The following KIAA2013 variants were observed in gnomAD, a reference collection of about 807,000 sequenced individuals.
KIAA2013 encodes KIAA2013.
Under a neutral mutation model 39.9 loss-of-function variants are expected in KIAA2013, and 20 were observed. That is an observed-to-expected ratio of 0.50 (90% confidence interval 0.35 to 0.73). KIAA2013 has a LOEUF of 0.73. KIAA2013 is among the 30% of genes least tolerant of loss of function. KIAA2013 has a pLI of 0.01. For synonymous variants in KIAA2013, 336 were observed against 416.6 expected (o/e 0.81, Z 2.35); for missense variants, 587 against 856.1 (o/e 0.69, Z 3.92).
At chr1:11,924,635 C>T (rs536930386) in intron 1 of KIAA2013, among the ~76,000 whole-genome samples, 57 of 152,228 alleles carry the variant, frequency 3.7e-4, no homozygotes, top group African/African-American at 1.3e-3. Context: ...AACCAAAACC[C>T]CTCTCTCATC....
At position 11,925,079 on chromosome 1, in the gene KIAA2013, A is replaced by G. The variant is rs1645497654; in HGVS notation, c.1033+126T>C. 6.1e-6 allele frequency: 5 copies of G among 815,738 alleles called. No homozygotes were observed. The highest frequency in any genetic ancestry group is 3.7e-5 in the South Asian group (2 of 53,818). 50.5% of individuals were successfully genotyped at this position (815,738 alleles called of 1,614,324 possible). On this transcript the variant is annotated intron_variant, in intron 1 of 2. Transcript: ENST00000376572. The surrounding 1 kb of genome is among the most constrained non-coding windows in gnomAD (Gnocchi z 5.2). ...AGGTCGCACAGACACTAAGCAGTTG[A>G]GCAGATTCAACCACTGGTGAAACGC...
intron 2 of KIAA2013, chr1:11,922,212 C>A: frequency 2.9e-5 from 9 of 315,030 alleles, no homozygotes; most frequent in Non-Finnish European, 3.1e-5. Flanking sequence ...TTTTTTGAGA[C>A]AGGGTCTTGC....
chr1:11,923,596 G>T lies in KIAA2013; in HGVS notation c.1034-107C>A. 3.4e-6 allele frequency: 4 copies of T among 1,167,368 alleles called. No homozygotes were observed. The highest frequency in any genetic ancestry group is 1.4e-5 in the South Asian group (1 of 71,362). The allele number at this position is 1,167,368 out of a possible 1,614,324, so 72.3% of individuals were successfully genotyped here. ...GAAGAGTGAGGTGTTGTGCCTTAAT[G>T]ATAAAGACAGTGGTGCCCATCTCCC... On this transcript the variant is annotated intron_variant, in intron 1 of 2. Coordinates refer to ENST00000376572, the MANE Select transcript of KIAA2013 (RefSeq NM_138346.3). The surrounding 1 kb of genome is among the most constrained non-coding windows in gnomAD (Gnocchi z 4.6).
intron 2 of KIAA2013, 88 bp from the exon 3 acceptor site, chr1:11,920,420 T>G (rs1645467579): frequency 7.5e-7 from 1 of 1,339,968 alleles, no homozygotes; most frequent in Admixed American, 1.7e-5. Flanking sequence ...ACAACCCTAG[T>G]GGCACCACAC....
At chr1:11,920,396 A>T (rs879006190) in intron 2 of KIAA2013, 64 bp from the exon 3 acceptor site, 1 of 1,563,816 alleles carries the variant, frequency 6.4e-7, no homozygotes, top group Non-Finnish European at 8.8e-7. Flanking sequence ...CAGCTATAGA[A>T]ATAGGCTACG....
rs769006607 is a variant in KIAA2013, at chr1:11,925,694, C to A, written c.544G>T (p.Gly182Cys). Reference protein sequence around the residue: ...ASVSGLAAGSGRDCVLLQEDF... With the variant: ...ASVSGLAAGSCRDCVLLQEDF... Reference sequence around the variant, plus strand: ...TCTTGCAGCAGCACGCAGTCGCGGCCGGACCCCGCGGCAAGGCCAGAGACG... The same window carrying A: ...TCTTGCAGCAGCACGCAGTCGCGGCAGGACCCCGCGGCAAGGCCAGAGACG... The change falls in exon 1 of 3, where the codon GGC becomes TGC. Residue 182 changes from glycine to cysteine, a missense_variant. By Grantham distance (159) the Gly-to-Cys change is radical. Coordinates refer to ENST00000376572, the MANE Select transcript of KIAA2013 (RefSeq NM_138346.3). This position sits in a 1 kb window ranked among gnomAD's most constrained non-coding sequence, Gnocchi z 5.2. 6.3e-7 allele frequency: 1 copy of A among 1,591,442 alleles called. No homozygotes were observed. The highest frequency in any genetic ancestry group is 8.5e-7 in the Non-Finnish European group (1 of 1,173,378).
At chr1:11,921,400 G>A (rs1023924081) in intron 2 of KIAA2013, among the ~76,000 whole-genome samples, 2 of 152,110 alleles carry the variant, frequency 1.3e-5, no homozygotes, top group African/African-American at 4.8e-5. Context: ...ACTCTGGTCC[G>A]AGGCCTGGAG....
Position 11,925,665 on chromosome 1 carries a change from G to C in KIAA2013, c.573C>G (p.Asp191Glu). Residue 191 changes from aspartate to glutamate, a missense_variant, in exon 1 of 3, where the codon GAC (aspartate) becomes GAG (glutamate). By Grantham distance (45) the Asp-to-Glu change is conservative (BLOSUM62 2). Coordinates refer to ENST00000376572, the MANE Select transcript of KIAA2013 (RefSeq NM_138346.3). This position sits in a 1 kb window ranked among gnomAD's most constrained non-coding sequence, Gnocchi z 5.2. ...GGGGTCGGCCCCTGTGCGCCAGAAA[G>C]TCCTCTTGCAGCAGCACGCAGTCGC... The part of the protein sequence containing the change: ...SGRDCVLLQE[D>E]FLAHRGRPHV... The C allele has an allele frequency of 1.2e-5, 20 of 1,607,278 alleles. No homozygotes were observed. The highest frequency in any genetic ancestry group is 1.7e-5 in the Non-Finnish European group (20 of 1,178,664).
intron 2 of KIAA2013, chr1:11,922,146 C>T: frequency 5.5e-6 from 1 of 180,208 alleles, no homozygotes; most frequent in Non-Finnish European, 1.1e-5. Flanking sequence ...CCAGGCCCTG[C>T]CTCTAATTTT....
At chr1:11,922,562 G>A (rs1326507047) in intron 2 of KIAA2013, 74 bp downstream of exon 2, 1 of 1,577,386 alleles carries the variant, frequency 6.3e-7, no homozygotes, top group Non-Finnish European at 8.6e-7. Flanking sequence ...CCCTCGCCAG[G>A]CTAGCCCCTT....
At chr1:11,922,236 C>T (rs1645478914) in intron 2 of KIAA2013, 1 of 572,164 alleles carries the variant, frequency 1.7e-6, no homozygotes, top group Admixed American at 4.3e-5. Flanking sequence ...GTTGCCCCAG[C>T]TAGAGTGCAA....
chr1:11,924,140 T>C (rs78223702), intron 1 of KIAA2013, among the ~76,000 whole-genome samples: 39 of 151,910 alleles, frequency 2.6e-4, no homozygotes, highest in Non-Finnish European at 2.9e-5. Flanking sequence ...TTTAAAAACA[T>C]ACACACACAC....
chr1:11,923,181 G>C lies in KIAA2013; in HGVS notation c.1342C>G (p.Pro448Ala), dbSNP rs771599822. 3 of 1,613,620 alleles carry C rather than the reference G, an allele frequency of 1.9e-6. No individual in the cohort carries two copies. The highest frequency in any genetic ancestry group is 1.7e-6 in the Non-Finnish European group (2 of 1,179,820). The part of the protein sequence containing the change: ...GCKGLVKVGA[P>A]GILQGMVLSF... ...AGCACCATCCCCTGCAGGATGCCTG[G>C]GGCACCCACCTTCACCAGCCCCTTG... The change falls in exon 2 of 3, where the codon CCA becomes GCA. Residue 448 changes from proline to alanine, a missense_variant. Physicochemically the swap from Pro to Ala is conservative, Grantham distance 27. Coordinates refer to ENST00000376572, the MANE Select transcript of KIAA2013 (RefSeq NM_138346.3). This position sits in a 1 kb window ranked among gnomAD's most constrained non-coding sequence, Gnocchi z 4.6.
In KIAA2013 at chr1:11,923,396, G is replaced by A. The variant is rs774624712; in HGVS notation, c.1127C>T (p.Pro376Leu). 2 of 1,612,966 alleles carry A rather than the reference G, an allele frequency of 1.2e-6. No individual in the cohort carries two copies. Among genetic ancestry groups the A allele is most frequent in the South Asian group, 2.2e-5 (2 of 91,076 alleles). The part of the protein sequence containing the change: ...LYYMLSCSPA[P>L]LLSPSLSHRE... The stretch of plus-strand genomic sequence containing the variant: ...GTGGCTCAGGGAGGGGCTGAGCAGT[G>A]GGGCTGGCGAGCAGGAGAGCATGTA... The change falls in exon 2 of 3, where the codon CCA becomes CTA. Residue 376 changes from proline (P) to leucine (L), a missense_variant. Physicochemically the swap from Pro to Leu is moderately conservative, Grantham distance 98. Transcript: ENST00000376572. This position sits in a 1 kb window ranked among gnomAD's most constrained non-coding sequence, Gnocchi z 4.6.
chr1:11,925,001 TAGGC>T lies in KIAA2013; in HGVS notation c.1033+200_1033+203del, dbSNP rs1645497312. Among the ~76,000 whole-genome samples the T allele has an allele frequency of 6.6e-6, 1 of 152,156 alleles. No homozygotes were observed. Among genetic ancestry groups the T allele is most frequent in the Non-Finnish European group, 1.5e-5 (1 of 68,036 alleles). On this transcript the variant is annotated intron_variant, in intron 1 of 2. Coordinates refer to ENST00000376572, the MANE Select transcript of KIAA2013 (RefSeq NM_138346.3). The surrounding 1 kb of genome is among the most constrained non-coding windows in gnomAD (Gnocchi z 5.2). ...ACAGTCTCATAAAAACCTTCTGAGG[TAGGC>T]GTTATTGTTATTAAATACAGGCCCA...
In KIAA2013 at chr1:11,922,625, C is replaced by T. The variant is rs368765895; in HGVS notation, c.1887+11G>A. On this transcript the variant is annotated intron_variant, in intron 2 of 2. Coordinates refer to ENST00000376572, the MANE Select transcript of KIAA2013 (RefSeq NM_138346.3). ...AAGGCCTCGGGTTTCGACCAGATGG[C>T]GGCTTCCTACCTTACTCCTGAAGAG... The T allele has an allele frequency of 5.7e-5, 92 of 1,612,246 alleles. 1 individual carries two copies. Among genetic ancestry groups the T allele is most frequent in the South Asian group, 2.3e-4 (21 of 90,556 alleles).
intron 2 of KIAA2013, among the ~76,000 whole-genome samples, chr1:11,921,955 C>A (rs1265390834): frequency 1.3e-5 from 2 of 152,008 alleles, no homozygotes; most frequent in African/African-American, 4.8e-5. Flanking sequence ...TCAAGTGATC[C>A]TCCCACCTCA....
At chr1:11,922,297 C>T (rs1454794499) in intron 2 of KIAA2013, 11 of 1,321,462 alleles carry the variant, frequency 8.3e-6, no homozygotes, top group Non-Finnish European at 1.1e-5. Flanking sequence ...TCAAGGGATT[C>T]TCCCATCTCA....
Position 11,920,050 on chromosome 1 carries a change from G to A in KIAA2013, c.*265C>T. ...GAAAGGGGGAAAGTGGAAGGAGTGA[G>A]TTCCATTTCAAGTATTTGCCATACA... On this transcript the variant is annotated 3_prime_UTR_variant, in exon 3 of 3. Transcript: ENST00000376572. 1.8e-6 allele frequency: 1 copy of A among 541,388 alleles called. No individual in the cohort carries two copies. The highest frequency in any genetic ancestry group is 3.3e-6 in the Non-Finnish European group (1 of 305,228). The allele number at this position is 541,388 out of a possible 1,614,324, so 33.5% of individuals were successfully genotyped here.
Sources: allele counts gnomAD v4.1 joint callset (sites outside exome capture counted in the v4.1 genomes callset), GRCh38; gene constraint gnomAD v4.1.1; non-coding constraint Gnocchi (gnomAD v3.1); transcripts MANE v1.5; gene names NCBI Gene and HGNC (gene_info 2026-07-23, HGNC 2026-07-21).